The following TRAF3 variants were observed in gnomAD, a reference collection of about 807,000 sequenced individuals.
The protein encoded by TRAF3 is TNF receptor associated factor 3.
A neutral mutation model predicts 62.3 loss-of-function variants in TRAF3; 13 were observed. The observed-to-expected ratio is 0.21, with a 90% confidence interval of 0.14 to 0.33. The LOEUF is 0.33. Among genes scored for constraint, TRAF3 ranks in the 10% least tolerant of loss-of-function variants. The pLI is 1.00. For synonymous variants in TRAF3, 269 were observed against 283.4 expected, an observed-to-expected ratio of 0.95 and a Z score of 0.51; for missense variants, 440 against 741.8, an observed-to-expected ratio of 0.59 and a Z score of 4.73.
At chr14:102,861,878 C>A (rs1887698967) in intron 2 of TRAF3, among the ~76,000 whole-genome samples, 1 of 152,178 alleles carries the variant, frequency 6.6e-6, no homozygotes, top group East Asian at 1.9e-4. Flanking sequence ...ATCCTTTGCT[C>A]ATTTTAAAAT....
intron 1 of TRAF3, among the ~76,000 whole-genome samples, chr14:102,811,293 G>A (rs1424745612): frequency 6.6e-6 from 1 of 150,846 alleles, no homozygotes; most frequent in African/African-American, 2.5e-5. Context: ...GCAAACAATG[G>A]GTACCTTTTT....
At chr14:102,874,396 A>G (rs1888523354) in intron 4 of TRAF3, among the ~76,000 whole-genome samples, 1 of 151,942 alleles carries the variant, frequency 6.6e-6, no homozygotes, top group Non-Finnish European at 1.5e-5. Context: ...AGCTGGGACT[A>G]CAGGCATGTG....
At chr14:102,828,201 A>G (rs908210351) in intron 1 of TRAF3, among the ~76,000 whole-genome samples, 3 of 152,206 alleles carry the variant, frequency 2.0e-5, no homozygotes, top group African/African-American at 7.2e-5. Flanking sequence ...TCGTGATTGG[A>G]AAGACTGCTT....
chr14:102,872,488 G>A (rs950405224), intron 4 of TRAF3, among the ~76,000 whole-genome samples: 4 of 152,032 alleles, frequency 2.6e-5, no homozygotes, highest in African/African-American at 2.4e-5. Context: ...GCCCCTTCTC[G>A]CCCCCTGTGG....
At chr14:102,838,596 A>G (rs1016212670) in intron 2 of TRAF3, among the ~76,000 whole-genome samples, 2 of 152,236 alleles carry the variant, frequency 1.3e-5, no homozygotes, top group Non-Finnish European at 2.9e-5. Context: ...GTAGTTGTCA[A>G]GATACTTGAA....
intron 11 of TRAF3, among the ~76,000 whole-genome samples, chr14:102,904,603 G>A (rs1009924965): frequency 9.4e-5 from 14 of 148,874 alleles, no homozygotes; most frequent in Non-Finnish European, 1.2e-4. Context: ...GAGGTCAGGA[G>A]ATTGAGATCA....
chr14:102,869,474 TG>T (rs1295290238), intron 2 of TRAF3, among the ~76,000 whole-genome samples: 1 of 152,178 alleles, frequency 6.6e-6, no homozygotes, highest in African/African-American at 2.4e-5. Flanking sequence ...AAATAGTATA[TG>T]TATTTTTTTA....
chr14:102,910,395 A>C lies in TRAF3; in HGVS notation c.*4611A>C, dbSNP rs1016198187. 1 of 152,240 alleles carries C rather than the reference A, an allele frequency of 6.6e-6. No homozygotes were observed. The highest frequency in any genetic ancestry group is 2.4e-5 in the African/African-American group (1 of 41,462). The allele number at this position is 152,240 out of a possible 1,614,324, so 9.4% of individuals were successfully genotyped here. On this transcript the variant is annotated 3_prime_UTR_variant, in exon 12 of 12. Coordinates refer to ENST00000392745, the MANE Select transcript of TRAF3 (RefSeq NM_145725.3). ...AATCTACTTCTCAGCCCATGACCATAGTTCTGTTTTCCGTTTGCAAATCTC... is the reference window on the plus strand; with the variant it reads ...AATCTACTTCTCAGCCCATGACCATCGTTCTGTTTTCCGTTTGCAAATCTC...
intron 1 of TRAF3, among the ~76,000 whole-genome samples, chr14:102,811,296 AC>A (rs1899115551): frequency 7.0e-6 from 1 of 143,406 alleles, no homozygotes; most frequent in Non-Finnish European, 1.5e-5. Flanking sequence ...AACAATGGGT[AC>A]CTTTTTTTTT....
At chr14:102,807,324 G>GCCTGCTGCCTTGTCCTC (rs1355744634) in intron 1 of TRAF3, among the ~76,000 whole-genome samples, 1 of 152,176 alleles carries the variant, frequency 6.6e-6, no homozygotes, top group African/African-American at 2.4e-5. Flanking sequence ...TGCCTGTCCT[G>GCCTGCTGCCTTGTCCTC]CCTGCTGCCT....
chr14:102,904,772 T>C (rs1424056104), intron 11 of TRAF3, among the ~76,000 whole-genome samples: 2 of 139,230 alleles, frequency 1.4e-5, no homozygotes, highest in African/African-American at 2.8e-5. Context: ...ATTGTGCCAC[T>C]GCACTCCAGC....
intron 2 of TRAF3, among the ~76,000 whole-genome samples, chr14:102,855,362 G>A (rs968393448): frequency 6.6e-6 from 1 of 152,044 alleles, no homozygotes. Context: ...TGGAATTGCT[G>A]GGTCATATGG....
chr14:102,792,873 C>G (rs1240807321), intron 1 of TRAF3, among the ~76,000 whole-genome samples: 2 of 151,188 alleles, frequency 1.3e-5, no homozygotes, highest in African/African-American at 4.9e-5. Flanking sequence ...ACAAAGTCTT[C>G]CTTTGTCACC....
rs1656195999 is a variant in TRAF3 at position 102,908,933 on chromosome 14, C to T, written c.*3149C>T. ...ACCACACTGAGCCACGTGCAAGCCG[C>T]AGCCGGGCCTGGAAGCCTGACCCTC... On this transcript the variant is annotated 3_prime_UTR_variant, in exon 12 of 12. Transcript: ENST00000392745. 6.6e-6 allele frequency: 1 copy of T among 152,346 alleles called. No homozygotes were observed. Among genetic ancestry groups the T allele is most frequent in the South Asian group, 2.1e-4 (1 of 4,838 alleles). The allele number at this position is 152,346 out of a possible 1,614,324, so 9.4% of individuals were successfully genotyped here.
chr14:102,849,647 T>G (rs1282997875), intron 2 of TRAF3, among the ~76,000 whole-genome samples: 1 of 152,206 alleles, frequency 6.6e-6, no homozygotes, highest in Non-Finnish European at 1.5e-5. Context: ...GGGCTTTTCA[T>G]GTGTGACTGT....
chr14:102,853,297 A>G (rs548010603), intron 2 of TRAF3, among the ~76,000 whole-genome samples: 133 of 152,008 alleles, frequency 8.7e-4, no homozygotes, highest in Non-Finnish European at 1.5e-3. Context: ...TTGACCTCCC[A>G]AAGTGCTGGG....
intron 1 of TRAF3, among the ~76,000 whole-genome samples, chr14:102,781,527 A>G (rs1344559758): frequency 6.6e-6 from 1 of 152,168 alleles, no homozygotes; most frequent in Non-Finnish European, 1.5e-5. Flanking sequence ...CTAGCCTGGC[A>G]TGCGCACCTG....
rs555121800 is a variant in TRAF3 at position 102,852,252 on chromosome 14, G to A, written c.-17-17933G>A. On this transcript the variant is annotated intron_variant, in intron 2 of 11. Coordinates refer to ENST00000392745, the MANE Select transcript of TRAF3 (RefSeq NM_145725.3). ...TGAGCAGGCACTACAGGCACACGCTGCCATGCCCGACAACCACCACAGATA... is the reference window on the plus strand; with the variant it reads ...TGAGCAGGCACTACAGGCACACGCTACCATGCCCGACAACCACCACAGATA... 3.0e-3 allele frequency among the ~76,000 whole-genome samples: 450 copies of A among 152,138 alleles called. 1 individual carries two copies. The highest frequency in any genetic ancestry group is 5.4e-3 in the Non-Finnish European group (364 of 67,992).
At chr14:102,902,974 T>C (rs897283749) in intron 10 of TRAF3, 1 of 480,332 alleles carries the variant, frequency 2.1e-6, no homozygotes, top group South Asian at 2.0e-5. Context: ...GATGGCTCTC[T>C]GTTGACAAAG....
Sources: allele counts gnomAD v4.1 joint callset (sites outside exome capture counted in the v4.1 genomes callset), GRCh38; gene constraint gnomAD v4.1.1; transcripts MANE v1.5; gene names NCBI Gene and HGNC (gene_info 2026-07-23, HGNC 2026-07-21).